ATP8B4: variants seen among roughly 807,000 people sequenced by gnomAD.
ATP8B4 encodes the protein probable phospholipid-transporting ATPase IM.
A neutral mutation model predicts 145.6 loss-of-function variants in ATP8B4; 133 were observed. The ratio of observed to expected loss-of-function variants is 0.91; its 90% CI spans 0.79 to 1.05. The LOEUF (loss-of-function observed/expected upper bound fraction) is 1.05, where lower values mean the gene tolerates loss of function less well. Among genes scored for constraint, ATP8B4 ranks in the 50% least tolerant of loss-of-function variants. ATP8B4 has a pLI of 0.00. For synonymous variants in ATP8B4, 507 were observed against 492.9 expected (o/e 1.03, Z -0.38); for missense variants, 1,458 against 1,425.2 (o/e 1.02, Z -0.37).
chr15:50,131,013 G>A (rs2057342357), intron 1 of ATP8B4, among the ~76,000 whole-genome samples: 2 of 150,090 alleles, frequency 1.3e-5, no homozygotes, highest in Non-Finnish European at 3.0e-5. Flanking sequence ...GGAAAGCATG[G>A]CACCTTCTTC....
chr15:50,143,828 G>A (rs1191826779), intron 1 of ATP8B4, among the ~76,000 whole-genome samples: 1 of 152,230 alleles, frequency 6.6e-6, no homozygotes, highest in Non-Finnish European at 1.5e-5. Context: ...TTTGGCTAAA[G>A]TGAACTAATC....
At position 49,995,230 on chromosome 15, in the gene ATP8B4, T is replaced by C. The variant is rs370686479; in HGVS notation, c.589+1447A>G. The stretch of plus-strand genomic sequence containing the variant: ...GAATTTCTACCTCCTCGTAGATCAA[T>C]AGAGGTATAAAGGTAAATTCTGCCG... On this transcript the variant is annotated intron_variant, in intron 9 of 27. Transcript: ENST00000284509. Among the ~76,000 whole-genome samples, 109 of 152,302 alleles carry C rather than the reference T, an allele frequency of 7.2e-4. 1 individual carries two copies. The highest frequency in any genetic ancestry group is 2.5e-3 in the African/African-American group (104 of 41,560).
In ATP8B4 at chr15:49,862,337, G is replaced by A; in HGVS notation, c.3205C>T (p.Leu1069Phe). ...RHSLTQKCIW[L>F]VILLTTVASV... is the part of the protein sequence containing the mutation. ...GCCACTGTTGTTAAGAGAATTACAA[G>A]CCAGATGCACTTCTGGGTCAGGGAA... is the stretch of plus-strand genomic sequence containing the variant. Residue 1069 changes from leucine to phenylalanine, a missense_variant, in exon 27 of 28, where the codon CTT (leucine) becomes TTT (phenylalanine). Transcript: ENST00000284509. The A allele has an allele frequency of 6.2e-7, 1 of 1,613,750 alleles. No individual in the cohort carries two copies. Among genetic ancestry groups the A allele is most frequent in the Non-Finnish European group, 8.5e-7 (1 of 1,179,718 alleles).
At chr15:49,950,610 ACAAACAAAC>A (rs2042998471) in intron 14 of ATP8B4, among the ~76,000 whole-genome samples, 5 of 78,614 alleles carry the variant, frequency 6.4e-5, no homozygotes, top group African/African-American at 1.3e-4. Flanking sequence ...AAACAAACAA[ACAAACAAAC>A]AAAAAAAACA....
chr15:50,181,811 G>A (rs1406304880), intron 1 of ATP8B4, among the ~76,000 whole-genome samples: 1 of 152,160 alleles, frequency 6.6e-6, no homozygotes, highest in Non-Finnish European at 1.5e-5. Context: ...GTTTGGCAGT[G>A]GCACCTGGTA....
chr15:50,039,126 T>C (rs1599981127), intron 5 of ATP8B4, among the ~76,000 whole-genome samples: 2 of 152,256 alleles, frequency 1.3e-5, no homozygotes, highest in African/African-American at 4.8e-5. Context: ...CTGTACCTTA[T>C]AGTCTCAGAG....
Position 50,018,836 on chromosome 15 carries a change from A to G in ATP8B4, c.363-7919T>C, listed in dbSNP as rs898690331. 6 of 843,888 alleles carry G rather than the reference A, an allele frequency of 7.1e-6. No individual in the cohort carries two copies. In the Admixed American group the frequency reaches 1.6e-4, roughly 23 times the overall value. The allele number at this position is 843,888 out of a possible 1,614,324, so 52.3% of individuals were successfully genotyped here. ...AGATTTCAGTCAGGATTTATTTATA[A>G]TCATGGGTAAAATATCTCTACTCTC... On this transcript the variant is annotated intron_variant, in intron 6 of 27. Transcript: ENST00000284509.
intron 16 of ATP8B4, among the ~76,000 whole-genome samples, chr15:49,930,232 T>C (rs779622227): frequency 1.2e-4 from 19 of 152,150 alleles, no homozygotes; most frequent in Non-Finnish European, 2.1e-4. Flanking sequence ...TTATTAAAGA[T>C]ACAGCTTAGG....
intron 23 of ATP8B4, among the ~76,000 whole-genome samples, chr15:49,886,236 A>G (rs1487664160): frequency 6.6e-6 from 1 of 152,008 alleles, no homozygotes; most frequent in Non-Finnish European, 1.5e-5. Context: ...GGCAGACAGA[A>G]CTGTGTGAAT....
At chr15:50,142,035 G>A (rs1253423906) in intron 1 of ATP8B4, among the ~76,000 whole-genome samples, 1 of 152,286 alleles carries the variant, frequency 6.6e-6, no homozygotes, top group South Asian at 2.1e-4. Flanking sequence ...TGTAAAAACT[G>A]AGGTAGGGAA....
At chr15:50,178,756 T>G (rs373801541) in intron 1 of ATP8B4, among the ~76,000 whole-genome samples, 42 of 152,326 alleles carry the variant, frequency 2.8e-4, no homozygotes, top group African/African-American at 9.6e-4. Flanking sequence ...AAAATTGTGG[T>G]AAAATATGCA....
chr15:50,106,992 C>G lies in ATP8B4; in HGVS notation c.-26G>C. The G allele has an allele frequency of 6.4e-7, 1 of 1,562,250 alleles. No individual in the cohort carries two copies. The highest frequency in any genetic ancestry group is 8.6e-7 in the Non-Finnish European group (1 of 1,158,898). ...TATTATACCTGATCTTTCACCAGGTCTCAACAGGTGGCCTACCTAAGAAAA... is the reference window on the plus strand; with the variant it reads ...TATTATACCTGATCTTTCACCAGGTGTCAACAGGTGGCCTACCTAAGAAAA... On this transcript the variant is annotated 5_prime_UTR_variant, in exon 2 of 28. Coordinates refer to ENST00000284509, the MANE Select transcript of ATP8B4 (RefSeq NM_024837.4).
intron 3 of ATP8B4, among the ~76,000 whole-genome samples, chr15:50,073,019 T>TATATATATATATACACACACACACACAC (rs1455088682): frequency 3.1e-5 from 1 of 32,436 alleles, no homozygotes; most frequent in African/African-American, 1.4e-4. Flanking sequence ...TATATATATA[T>TATATATATATATACACACACACACACAC]ACACACACAC....
chr15:50,060,949 A>C (rs1302678214), intron 3 of ATP8B4, among the ~76,000 whole-genome samples: 4 of 152,162 alleles, frequency 2.6e-5, no homozygotes, highest in African/African-American at 9.7e-5. Context: ...CAGCTTTTTC[A>C]AAAGTTGATA....
chr15:50,067,279 C>T (rs1201286230), intron 3 of ATP8B4, among the ~76,000 whole-genome samples: 1 of 152,110 alleles, frequency 6.6e-6, no homozygotes, highest in African/African-American at 2.4e-5. Context: ...AATCCCTTTT[C>T]ACTTTGTGAT....
chr15:49,929,584 A>G (rs2041065432), intron 16 of ATP8B4, among the ~76,000 whole-genome samples: 1 of 152,122 alleles, frequency 6.6e-6, no homozygotes, highest in African/African-American at 2.4e-5. Context: ...TATAAGCAAT[A>G]GCTACCACCA....
At chr15:49,962,162 G>A (rs867038959) in intron 13 of ATP8B4, 142 bp from the exon 14 acceptor site, 4 of 615,884 alleles carry the variant, frequency 6.5e-6, no homozygotes, top group Middle Eastern at 8.7e-4. Context: ...ATGGTTTTAG[G>A]AGTGCTTTCA....
At chr15:50,123,986 G>A (rs910961430), upstream of ATP8B4, among the ~76,000 whole-genome samples, 2 of 152,072 alleles carry the variant, frequency 1.3e-5, no homozygotes, top group African/African-American at 4.8e-5. Context: ...CAGTTATTCA[G>A]AACCTCCTTA....
At chr15:50,014,387 G>A (rs777809661) in intron 6 of ATP8B4, among the ~76,000 whole-genome samples, 3 of 152,098 alleles carry the variant, frequency 2.0e-5, no homozygotes, top group South Asian at 2.1e-4. Context: ...CAGGCACTCA[G>A]TAAGTATGCA....
Sources: allele counts gnomAD v4.1 joint callset (sites outside exome capture counted in the v4.1 genomes callset), GRCh38; gene constraint gnomAD v4.1.1; transcripts MANE v1.5; gene names NCBI Gene and HGNC (gene_info 2026-07-23, HGNC 2026-07-21).